Variants in CCDC178 observed in about 807,000 individuals in gnomAD.
The protein encoded by CCDC178 is coiled-coil domain containing 178.
In CCDC178, 126 loss-of-function variants were observed where a neutral mutation model predicts 117.4. The observed-to-expected ratio is 1.07, with a 90% confidence interval of 0.93 to 1.24. The LOEUF (loss-of-function observed/expected upper bound fraction) is 1.24, where lower values mean the gene tolerates loss of function less well. Ranked by LOEUF, CCDC178 falls within the 50% of genes most tolerant of loss-of-function variation. CCDC178 has a pLI of 0.00. For synonymous variants in CCDC178, 283 were observed against 313.4 expected, an observed-to-expected ratio of 0.90 and a Z score of 1.02; for missense variants, 1,030 against 986.9, an observed-to-expected ratio of 1.04 and a Z score of -0.59.
intron 20 of CCDC178, among the ~76,000 whole-genome samples, chr18:33,165,688 T>C (rs1329881791): frequency 6.6e-6 from 1 of 152,204 alleles, no homozygotes; most frequent in Non-Finnish European, 1.5e-5. Flanking sequence ...ACAGTTTGCC[T>C]GTCAATTGTT....
chr18:32,988,118 T>TAATAATAATAATCATAATAAA (rs1320760752), intron 21 of CCDC178, among the ~76,000 whole-genome samples: 7 of 132,858 alleles, frequency 5.3e-5, no homozygotes, highest in African/African-American at 2.0e-4. Context: ...ATAATAATAA[T>TAATAATAATAATCATAATAAA]AAATTTATCA....
intron 22 of CCDC178, among the ~76,000 whole-genome samples, chr18:32,965,516 T>C (rs1357939549): frequency 6.6e-6 from 1 of 151,962 alleles, no homozygotes; most frequent in Non-Finnish European, 1.5e-5. Context: ...TGTCTTCATA[T>C]ATTGATGGAT....
chr18:33,122,554 T>TA (rs1237783158), intron 20 of CCDC178, among the ~76,000 whole-genome samples: 2 of 152,114 alleles, frequency 1.3e-5, no homozygotes, highest in Non-Finnish European at 2.9e-5. Context: ...TCCCACCACT[T>TA]AGAGAAGCTA....
intron 11 of CCDC178, among the ~76,000 whole-genome samples, chr18:33,316,693 A>G (rs2062423791): frequency 6.6e-6 from 1 of 151,982 alleles, no homozygotes; most frequent in Non-Finnish European, 1.5e-5. Flanking sequence ...AGCACCCTGT[A>G]TCTAGCTCAA....
intron 11 of CCDC178, among the ~76,000 whole-genome samples, chr18:33,297,704 C>T (rs1288952954): frequency 1.3e-5 from 2 of 152,018 alleles, no homozygotes; most frequent in Non-Finnish European, 2.9e-5. Flanking sequence ...CCAAAAAATC[C>T]AGTACCAGAT....
At chr18:33,406,685 T>C (rs112460489) in intron 3 of CCDC178, among the ~76,000 whole-genome samples, 354 of 152,248 alleles carry the variant, frequency 2.3e-3, no homozygotes, top group African/African-American at 7.9e-3. Context: ...TTCATAGGTC[T>C]AAATAATATA....
chr18:33,279,522 A>G (rs575585186), intron 12 of CCDC178, among the ~76,000 whole-genome samples: 2 of 152,324 alleles, frequency 1.3e-5, no homozygotes, highest in South Asian at 4.1e-4. Context: ...AAATGACCAT[A>G]CTTCCCAAGG....
At chr18:33,363,014 T>C (rs916946392) in intron 6 of CCDC178, among the ~76,000 whole-genome samples, 1 of 151,892 alleles carries the variant, frequency 6.6e-6, no homozygotes, top group African/African-American at 2.4e-5. Context: ...ACAGCAAAGA[T>C]ACCATACTAA....
At chr18:33,307,680 G>A (rs374166995) in intron 11 of CCDC178, among the ~76,000 whole-genome samples, 2 of 152,184 alleles carry the variant, frequency 1.3e-5, no homozygotes, top group African/African-American at 4.8e-5. Flanking sequence ...AGGCCTAGGA[G>A]GGAAAAACGG....
At position 33,092,760 on chromosome 18, in the gene CCDC178, C is replaced by G. The variant is rs370245075; in HGVS notation, c.2388+1G>C. 1.3e-6 allele frequency: 2 copies of G among 1,521,386 alleles called. No individual in the cohort carries two copies. The highest frequency in any genetic ancestry group is 1.8e-6 in the Non-Finnish European group (2 of 1,113,450). The allele number at this position is 1,521,386 out of a possible 1,614,324, so 94.2% of individuals were successfully genotyped here. On this transcript the variant is annotated splice_donor_variant, in intron 21 of 22. Transcript: ENST00000383096. LOFTEE classifies it high-confidence loss of function. ...CTTAAAACAATTAGAAAAACCAATA[C>G]CTGTTTCTTATCTCTAATTGAAGTA...
intron 21 of CCDC178, among the ~76,000 whole-genome samples, chr18:33,012,649 T>A (rs1272465040): frequency 6.6e-6 from 1 of 152,198 alleles, no homozygotes; most frequent in Admixed American, 6.5e-5. Flanking sequence ...CTTATGGCTT[T>A]AAATAATTGA....
intron 21 of CCDC178, among the ~76,000 whole-genome samples, chr18:33,023,412 G>A (rs2056162280): frequency 6.6e-6 from 1 of 152,162 alleles, no homozygotes. Flanking sequence ...AGTTCCATAT[G>A]AGAGTGTTAA....
At chr18:33,288,884 G>A (rs2060133625) in intron 12 of CCDC178, among the ~76,000 whole-genome samples, 1 of 152,202 alleles carries the variant, frequency 6.6e-6, no homozygotes, top group Non-Finnish European at 1.5e-5. Flanking sequence ...GGCACATTCT[G>A]TTGTCCTGAG....
rs751086764 is a variant in CCDC178, at chr18:32,974,681, G to A, written c.2389C>T (p.Leu797Phe). 4 of 1,612,558 alleles carry A rather than the reference G, an allele frequency of 2.5e-6. No homozygotes were observed. Among genetic ancestry groups the A allele is most frequent in the Non-Finnish European group, 3.4e-6 (4 of 1,179,650 alleles). The change falls in exon 22 of 23, where the codon CTC becomes TTC. Residue 797 changes from leucine (L) to phenylalanine (F), a missense_variant and splice_region_variant. Leu to Phe is a conservative substitution (Grantham distance 22). Transcript: ENST00000383096. ...LDTSIRDKKQLCQLQRRMHTL... is the reference protein window; with the variant it reads ...LDTSIRDKKQFCQLQRRMHTL... The stretch of plus-strand genomic sequence containing the variant: ...TGCATCCTTCTCTGCAGCTGACAGA[G>A]CTAAAGGGAAGAGGGAGGGGAGAAA...
intron 9 of CCDC178, among the ~76,000 whole-genome samples, chr18:33,335,931 G>A (rs576147679): frequency 1.3e-5 from 2 of 152,186 alleles, no homozygotes; most frequent in Non-Finnish European, 2.9e-5. Flanking sequence ...CATTATCTGA[G>A]ATAAATTTTT....
intron 12 of CCDC178, among the ~76,000 whole-genome samples, chr18:33,280,047 G>A (rs915829777): frequency 1.2e-4 from 18 of 150,332 alleles, no homozygotes; most frequent in Middle Eastern, 3.2e-3. Context: ...CATGGGCAAG[G>A]ACTTCATGTC....
intron 22 of CCDC178, among the ~76,000 whole-genome samples, chr18:32,952,918 A>G (rs2054520099): frequency 6.6e-6 from 1 of 151,506 alleles, no homozygotes; most frequent in African/African-American, 2.4e-5. Context: ...GACTACAGGC[A>G]CCCACCACCA....
At position 33,439,949 on chromosome 18, in the gene CCDC178, T is replaced by C. The variant is rs1338886972; in HGVS notation, c.-23+13A>G. 3 of 152,216 alleles carry C rather than the reference T, an allele frequency of 2.0e-5. No individual in the cohort carries two copies. Among genetic ancestry groups the C allele is most frequent in the Non-Finnish European group, 4.4e-5 (3 of 68,038 alleles). 9.4% of individuals were successfully genotyped at this position (152,216 alleles called of 1,614,324 possible). A position where few individuals can be genotyped will look rare whatever the true frequency, so the allele number is the denominator to read the frequency against. On this transcript the variant is annotated intron_variant, in intron 2 of 22. Transcript: ENST00000383096. ...TCAAATCACAAATCAGCTCTGAATATCACTTTTCTCACCTGTAAAGGGGAG... is the reference window on the plus strand; with the variant it reads ...TCAAATCACAAATCAGCTCTGAATACCACTTTTCTCACCTGTAAAGGGGAG...
rs767781927 is a variant in CCDC178 at position 33,403,401 on chromosome 18, C to A, written c.59-6193G>T. On this transcript the variant is annotated intron_variant, in intron 3 of 22. Coordinates refer to ENST00000383096, the MANE Select transcript of CCDC178 (RefSeq NM_001105528.4). The stretch of plus-strand genomic sequence containing the variant: ...TACAAAAATCAGCAGGGAAAGCAAA[C>A]CCTAGAGAAGAAGAACAATCTGATG... Among the ~76,000 whole-genome samples the A allele has an allele frequency of 4.6e-5, 7 of 151,940 alleles. No individual in the cohort carries two copies. In the East Asian group the frequency reaches 1.2e-3, roughly 25 times the overall value.
Sources: allele counts gnomAD v4.1 joint callset (sites outside exome capture counted in the v4.1 genomes callset), GRCh38; gene constraint gnomAD v4.1.1; transcripts MANE v1.5; gene names NCBI Gene and HGNC (gene_info 2026-07-23, HGNC 2026-07-21).